ZNF382: variants seen among roughly 807,000 people sequenced by gnomAD.
ZNF382 encodes KRAB/zinc finger suppressor protein 1.
In ZNF382, 20 loss-of-function variants were observed where a neutral mutation model predicts 38.8. The observed-to-expected ratio is 0.51, with a 90% CI of 0.36 to 0.75. The LOEUF (loss-of-function observed/expected upper bound fraction) is 0.75, where lower values mean the gene tolerates loss of function less well. Ranked by LOEUF, ZNF382 falls within the 30% of genes least tolerant of loss-of-function variation. The pLI, the probability that ZNF382 is intolerant of heterozygous loss-of-function variation, is 0.00. For synonymous variants in ZNF382, 202 were observed against 223.1 expected (o/e 0.91, Z 0.84); for missense variants, 546 against 654.1 (o/e 0.83, Z 1.80).
chr19:36,616,119 C>T (rs920707711), intron 4 of ZNF382, among the ~76,000 whole-genome samples: 6 of 152,182 alleles, frequency 3.9e-5, no homozygotes, highest in Non-Finnish European at 7.3e-5. Flanking sequence ...GTGGCTCACA[C>T]CTGTAATTCC....
intron 4 of ZNF382, among the ~76,000 whole-genome samples, chr19:36,615,213 C>T (rs867810640): frequency 6.6e-6 from 1 of 151,920 alleles, no homozygotes; most frequent in Non-Finnish European, 1.5e-5. Flanking sequence ...GTCTCGAACT[C>T]CTGACCTCAG....
chr19:36,616,040 T>A (rs1260370076), intron 4 of ZNF382, among the ~76,000 whole-genome samples: 1 of 152,214 alleles, frequency 6.6e-6, no homozygotes, highest in Non-Finnish European at 1.5e-5. Context: ...ATATAAACAC[T>A]CATTTTTCTC....
Position 36,612,768 on chromosome 19 carries a change from TTTTG to T in ZNF382, c.232+2034_232+2037del, listed in dbSNP as rs200794288. ...TATATCAGAGGCATCTGTTCAAGTG[TTTTG>T]TTTGTTTCTTTGTTCGTTTGTTTGT... On this transcript the variant is annotated intron_variant, in intron 4 of 4. Coordinates refer to ENST00000292928, the MANE Select transcript of ZNF382 (RefSeq NM_032825.5). 3.8e-4 allele frequency among the ~76,000 whole-genome samples: 58 copies of T among 152,152 alleles called. No homozygotes were observed. In the East Asian group the frequency reaches 9.7e-3, roughly 25 times the overall value.
intron 1 of ZNF382, 114 bp downstream of exon 1, chr19:36,605,461 G>C (rs2037010124): frequency 6.6e-6 from 1 of 152,628 alleles, no homozygotes; most frequent in Non-Finnish European, 1.5e-5. Context: ...CCAAGAGTCC[G>C]AGCCGGGCCT....
At chr19:36,616,961 C>T (rs1476044678) in intron 4 of ZNF382, among the ~76,000 whole-genome samples, 1 of 151,896 alleles carries the variant, frequency 6.6e-6, no homozygotes, top group African/African-American at 2.4e-5. Flanking sequence ...TTCAGGGGAA[C>T]TGAAGGGACA....
chr19:36,627,493 G>C lies in ZNF382; in HGVS notation c.1596G>C (p.Lys532Asn), dbSNP rs757372156. The part of the protein sequence containing the change: ...CKQCGKFFSC[K>N]SNLIVHQKTH... ...AGTGTGGGAAGTTCTTCAGTTGTAA[G>C]TCAAACCTCATTGTCCATCAGAAAA... Residue 532 changes from lysine to asparagine, a missense_variant, in exon 5 of 5, where the codon AAG (lysine) becomes AAC (asparagine). Lys to Asn is a moderately conservative substitution (Grantham distance 94). Coordinates refer to ENST00000292928, the MANE Select transcript of ZNF382 (RefSeq NM_032825.5). 6.2e-7 allele frequency: 1 copy of C among 1,613,734 alleles called. No homozygotes were observed. Among genetic ancestry groups the C allele is most frequent in the African/African-American group, 1.3e-5 (1 of 74,898 alleles).
At chr19:36,620,730 T>A (rs1197751628) in intron 4 of ZNF382, among the ~76,000 whole-genome samples, 1 of 152,164 alleles carries the variant, frequency 6.6e-6, no homozygotes, top group Non-Finnish European at 1.5e-5. Context: ...CTATCTTTAC[T>A]CTTATTTGTT....
rs1213046317 is a variant in ZNF382, at chr19:36,626,395, A to G, written c.498A>G (p.Gly166=). The part of the protein sequence containing the change: ...PIKEKFGDST[G]WEKSLLNTKH... ...AAGAGAAGTTTGGTGACAGTACTGG[A>G]TGGGAGAAATCACTCCTCAATACCA... Residue 166 remains glycine, a synonymous_variant, in exon 5 of 5, where the codon GGA becomes GGG. Coordinates refer to ENST00000292928, the MANE Select transcript of ZNF382 (RefSeq NM_032825.5). 1.3e-6 allele frequency: 2 copies of G among 1,598,472 alleles called. No homozygotes were observed. Among genetic ancestry groups the G allele is most frequent in the East Asian group, 2.2e-5 (1 of 44,810 alleles).
chr19:36,610,081 G>A (rs377631456), intron 3 of ZNF382, 28 bp downstream of exon 3: 3 of 1,608,608 alleles, frequency 1.9e-6, no homozygotes, highest in Non-Finnish European at 2.5e-6. Context: ...ATCTTTCACT[G>A]TCATGCATCT....
chr19:36,608,007 G>A, intron 2 of ZNF382: 1 of 191,456 alleles, frequency 5.2e-6, no homozygotes, highest in South Asian at 1.6e-4. Flanking sequence ...GAATAGAAAG[G>A]TATTGTCTTG....
At chr19:36,624,785 A>C (rs1386064641) in intron 4 of ZNF382, among the ~76,000 whole-genome samples, 1 of 152,098 alleles carries the variant, frequency 6.6e-6, no homozygotes, top group Non-Finnish European at 1.5e-5. Flanking sequence ...CAGCAATCAG[A>C]ATACTACAGT....
rs751317108 is a variant in ZNF382, at chr19:36,626,601, G to A, written c.704G>A (p.Arg235Lys). The stretch of plus-strand genomic sequence containing the variant: ...CTATTTACACATACTAGAGCTCACA[G>A]AGGAGAAAGAACCTTTGAATACAAT... ...GMLFTHTRAH[R>K]GERTFEYNKD... The change falls in exon 5 of 5, where the codon AGA becomes AAA. Residue 235 changes from arginine (R) to lysine (K), a missense_variant. Arg to Lys is a conservative substitution (Grantham distance 26, BLOSUM62 2). Transcript: ENST00000292928. 3 of 1,614,144 alleles carry A rather than the reference G, an allele frequency of 1.9e-6. No individual in the cohort carries two copies. The South Asian group carries it at 3.3e-5, about 18-fold the overall frequency.
chr19:36,617,968 A>T (rs1469723218), intron 4 of ZNF382, among the ~76,000 whole-genome samples: 1 of 152,124 alleles, frequency 6.6e-6, no homozygotes, highest in African/African-American at 2.4e-5. Context: ...CTTTACTCCT[A>T]AAACGTGGCC....
intron 2 of ZNF382, 175 bp downstream of exon 2, chr19:36,607,797 G>A (rs1421660958): frequency 1.5e-6 from 1 of 655,464 alleles, no homozygotes; most frequent in Non-Finnish European, 2.5e-6. Context: ...TATTTAAGGG[G>A]TACCCTCAGG....
rs2037252139 is a variant in ZNF382, at chr19:36,631,234, C to T, written c.*3684C>T. On this transcript the variant is annotated 3_prime_UTR_variant, in exon 5 of 5. Coordinates refer to ENST00000292928, the MANE Select transcript of ZNF382 (RefSeq NM_032825.5). The stretch of plus-strand genomic sequence containing the variant: ...CGAGATGGTACAGCCTACTAAACAC[C>T]TAGGCTATATGGTAGAGCCTGTTGC... The T allele has an allele frequency of 6.6e-6, 1 of 152,274 alleles. No individual in the cohort carries two copies. The highest frequency in any genetic ancestry group is 2.1e-4 in the South Asian group (1 of 4,824). The allele number at this position is 152,274 out of a possible 1,614,324, so 9.4% of individuals were successfully genotyped here.
In ZNF382 at chr19:36,628,094, C is replaced by T. The variant is rs558322306; in HGVS notation, c.*544C>T. On this transcript the variant is annotated 3_prime_UTR_variant, in exon 5 of 5. Transcript: ENST00000292928. ...ATATCATGTATTCTTTCATATACAG[C>T]TTATTACCTTCATCATGTCCGTGAG... 2.0e-5 allele frequency: 3 copies of T among 152,860 alleles called. No individual in the cohort carries two copies. Among genetic ancestry groups the T allele is most frequent in the African/African-American group, 7.2e-5 (3 of 41,540 alleles). The allele number at this position is 152,860 out of a possible 1,614,324, so 9.5% of individuals were successfully genotyped here. A position where few individuals can be genotyped will look rare whatever the true frequency, so the allele number is the denominator to read the frequency against.
At chr19:36,609,665 T>G in intron 2 of ZNF382, 1 of 342,576 alleles carries the variant, frequency 2.9e-6, no homozygotes, top group Admixed American at 4.8e-5. Flanking sequence ...CTATAACTTC[T>G]CATGAGCAGG....
In ZNF382 at chr19:36,624,931, G is replaced by A. The variant is rs1026630217; in HGVS notation, c.233-1199G>A. ...AAAAAATCAAAAATTAGCTGGATAT[G>A]GTGGCACACATCTGTAGCCCCAGAT... On this transcript the variant is annotated intron_variant, in intron 4 of 4. Coordinates refer to ENST00000292928, the MANE Select transcript of ZNF382 (RefSeq NM_032825.5). 7.3e-5 allele frequency among the ~76,000 whole-genome samples: 11 copies of A among 150,934 alleles called. 1 individual carries two copies. The highest frequency in any genetic ancestry group is 6.8e-3 in the Middle Eastern group (2 of 294).
At chr19:36,610,842 A>G (rs1476630344) in intron 4 of ZNF382, 100 bp downstream of exon 4, 6 of 799,124 alleles carry the variant, frequency 7.5e-6, no homozygotes, top group East Asian at 5.4e-5. Context: ...TAAAATACAC[A>G]TAACATTAAA....
Sources: allele counts gnomAD v4.1 joint callset (sites outside exome capture counted in the v4.1 genomes callset), GRCh38; gene constraint gnomAD v4.1.1; transcripts MANE v1.5; gene names NCBI Gene and HGNC (gene_info 2026-07-23, HGNC 2026-07-21).